Variants in ABCC3 observed in about 807,000 individuals in gnomAD.
ABCC3 encodes the protein ATP binding cassette subfamily C member 3.
ABCC3 carries 121 observed loss-of-function variants against 165.3 expected under a neutral mutation model. That is an observed-to-expected ratio of 0.73 (90% confidence interval 0.63 to 0.85). The LOEUF (loss-of-function observed/expected upper bound fraction) is 0.85. Ranked by LOEUF, ABCC3 falls within the 40% of genes least tolerant of loss-of-function variation. The pLI, the probability that ABCC3 is intolerant of heterozygous loss-of-function variation, is 0.00. For synonymous variants in ABCC3, 733 were observed against 810.1 expected, an observed-to-expected ratio of 0.90 and a Z score of 1.62; for missense variants, 1,869 against 1,964.1, an observed-to-expected ratio of 0.95 and a Z score of 0.92.
intron 1 of ABCC3, chr17:50,635,603 T>G (rs2054172534): frequency 1.4e-6 from 1 of 702,492 alleles, no homozygotes; most frequent in South Asian, 1.5e-5. Context: ...TGGAGACAGG[T>G]GCAGGGTGTC....
intron 30 of ABCC3, among the ~76,000 whole-genome samples, chr17:50,689,818 A>G (rs1968087134): frequency 6.6e-6 from 1 of 152,070 alleles, no homozygotes; most frequent in African/African-American, 2.4e-5. Flanking sequence ...GGCTGAGAGG[A>G]CCTGTTCCCA....
intron 23 of ABCC3, 64 bp downstream of exon 23, chr17:50,676,652 G>A: frequency 1.5e-6 from 2 of 1,315,916 alleles, no homozygotes; most frequent in Non-Finnish European, 2.1e-6. Flanking sequence ...CACATGGGCG[G>A]GGGCAGCAGG....
chr17:50,657,954 G>A, intron 4 of ABCC3, 128 bp from the exon 5 acceptor site: 1 of 1,303,708 alleles, frequency 7.7e-7, no homozygotes, highest in Non-Finnish European at 1.1e-6. Context: ...TCTGAGTGGG[G>A]ACCTGGAGGC....
intron 30 of ABCC3, among the ~76,000 whole-genome samples, chr17:50,689,204 A>G (rs976171154): frequency 3.3e-5 from 5 of 152,232 alleles, no homozygotes; most frequent in South Asian, 2.1e-4. Flanking sequence ...AAAAAAGTCA[A>G]TGAAAGATAT....
At chr17:50,653,344 CAAAAAAAAAAA>C (rs1298179994) in intron 1 of ABCC3, among the ~76,000 whole-genome samples, 1 of 47,758 alleles carries the variant, frequency 2.1e-5, no homozygotes, top group South Asian at 8.3e-4. Context: ...GAGACTGTCT[CAAAAAAAAAAA>C]AAAAAAAAGA....
intron 17 of ABCC3, among the ~76,000 whole-genome samples, chr17:50,672,207 T>C (rs1967663107): frequency 6.6e-6 from 1 of 152,158 alleles, no homozygotes; most frequent in Admixed American, 6.5e-5. Context: ...ACATGCACTT[T>C]GGAAGGAACA....
intron 1 of ABCC3, among the ~76,000 whole-genome samples, chr17:50,653,594 T>C (rs2146601100): frequency 6.6e-6 from 1 of 150,794 alleles, no homozygotes; most frequent in East Asian, 2.0e-4. Context: ...CTACTAAAAA[T>C]ACAAAAAAAT....
chr17:50,690,977 TG>T, intron 30 of ABCC3, 114 bp from the exon 31 acceptor site: 2 of 716,434 alleles, frequency 2.8e-6, no homozygotes, highest in Non-Finnish European at 4.9e-6. Context: ...GTGGCTGTGT[TG>T]GGTGGGTTGG....
At chr17:50,650,363 T>C (rs1967092515) in intron 1 of ABCC3, among the ~76,000 whole-genome samples, 1 of 152,204 alleles carries the variant, frequency 6.6e-6, no homozygotes, top group Non-Finnish European at 1.5e-5. Context: ...CGCCTCTGCC[T>C]CCCAAAGTCC....
Position 50,659,339 on chromosome 17 carries a change from A to G in ABCC3, c.777A>G (p.Ala259=), listed in dbSNP as rs1410237883. 1 of 1,612,436 alleles carries G rather than the reference A, an allele frequency of 6.2e-7. No homozygotes were observed. Among genetic ancestry groups the G allele is most frequent in the South Asian group, 1.1e-5 (1 of 91,054 alleles). Residue 259 remains alanine, a synonymous_variant, in exon 7 of 31, where the codon GCA becomes GCG. Coordinates refer to ENST00000285238, the MANE Select transcript of ABCC3 (RefSeq NM_003786.4). ...SQMVVQQLLE[A]WRKQEKQTAR... is the part of the protein sequence containing the mutation. Reference sequence around the variant, plus strand: ...TGGTGGTGCAGCAGCTGCTGGAGGCATGGAGGAAGCAGGAAAAGCAGACGG... The same window carrying G: ...TGGTGGTGCAGCAGCTGCTGGAGGCGTGGAGGAAGCAGGAAAAGCAGACGG...
chr17:50,663,376 TTCTTCC>T, intron 8 of ABCC3: 7 of 392,136 alleles, frequency 1.8e-5, no homozygotes, highest in South Asian at 7.8e-5. Flanking sequence ...AACGTGGCAT[TTCTTCC>T]CGCCATATGT....
Position 50,673,647 on chromosome 17 carries a change from A to G in ABCC3, c.2588A>G (p.Asp863Gly). ...GATGAGGACCAAGGGCACCTGGAGG[A>G]CAGCTGGACCGGTATCTGCCATCCT... ...APDEDQGHLE[D>G]SWTALEGAED... Residue 863 changes from aspartate (D) to glycine (G), a missense_variant, in exon 19 of 31, where the codon GAC becomes GGC. Transcript: ENST00000285238. The G allele has an allele frequency of 6.2e-7, 1 of 1,614,058 alleles. No homozygotes were observed. Among genetic ancestry groups the G allele is most frequent in the Non-Finnish European group, 8.5e-7 (1 of 1,179,998 alleles).
chr17:50,675,377 A>C lies in ABCC3; in HGVS notation c.2615A>C (p.Glu872Ala), dbSNP rs750456363. The part of the protein sequence containing the change: ...EDSWTALEGA[E>A]DKEALLIEDT... ...CCTACTGCAGCGTTGGAAGGTGCAG[A>C]GGATAAGGAGGCACTGCTGATTGAA... is the stretch of plus-strand genomic sequence containing the variant. The change falls in exon 20 of 31, where the codon GAG (glutamate) becomes GCG (alanine). Residue 872 changes from glutamate to alanine, a missense_variant. By Grantham distance (107) the Glu-to-Ala change is moderately radical. Transcript: ENST00000285238. 1.2e-6 allele frequency: 2 copies of C among 1,612,962 alleles called. No individual in the cohort carries two copies. Among genetic ancestry groups the C allele is most frequent in the East Asian group, 4.5e-5 (2 of 44,892 alleles).
chr17:50,642,813 C>T (rs1389107412), intron 1 of ABCC3, among the ~76,000 whole-genome samples: 5 of 152,206 alleles, frequency 3.3e-5, no homozygotes, highest in South Asian at 2.1e-4. Context: ...CATGTCCCCA[C>T]GCCTGGGCTC....
chr17:50,657,081 G>A lies in ABCC3; in HGVS notation c.384G>A (p.Leu128=), dbSNP rs747114296. 1.2e-6 allele frequency: 2 copies of A among 1,614,170 alleles called. No individual in the cohort carries two copies. Among genetic ancestry groups the A allele is most frequent in the Non-Finnish European group, 1.7e-6 (2 of 1,180,010 alleles). ...CCCTGCTGATACAGTATGAGCGGCT[G>A]CAGGGCGTACAGTCTTCGGGGGTCC... ...LATLLIQYER[L]QGVQSSGVLI... The change falls in exon 4 of 31, where the codon CTG becomes CTA. Residue 128 remains leucine, a synonymous_variant. Transcript: ENST00000285238.
chr17:50,650,199 G>A (rs754651593), intron 1 of ABCC3, among the ~76,000 whole-genome samples: 39 of 152,096 alleles, frequency 2.6e-4, no homozygotes, highest in Admixed American at 7.9e-4. Flanking sequence ...TCCGCCTCCC[G>A]GGTTCAAGTG....
intron 26 of ABCC3, 91 bp downstream of exon 26, chr17:50,679,990 G>A: frequency 1.1e-6 from 1 of 885,418 alleles, no homozygotes; most frequent in Non-Finnish European, 1.8e-6. Context: ...ATCAGGGCCT[G>A]CCACGTATGG....
At chr17:50,647,752 T>C (rs899608572) in intron 1 of ABCC3, among the ~76,000 whole-genome samples, 2 of 152,154 alleles carry the variant, frequency 1.3e-5, no homozygotes, top group African/African-American at 4.8e-5. Flanking sequence ...AATTCGCCCT[T>C]GGAGGCTGGG....
At chr17:50,679,751 G>T in intron 25 of ABCC3, 47 bp from the exon 26 acceptor site, 1 of 1,544,094 alleles carries the variant, frequency 6.5e-7, no homozygotes, top group Non-Finnish European at 9.0e-7. Context: ...AGCCATTACG[G>T]TGGGGAGGGG....
Sources: gnomAD v4.1 joint callset for allele counts (sites outside exome capture counted in the v4.1 genomes callset) on GRCh38, gnomAD v4.1.1 for gene constraint, MANE v1.5 for transcripts, NCBI Gene and HGNC (gene_info 2026-07-23, HGNC 2026-07-21) for gene names.